The following PCDH15 variants were observed in gnomAD, a reference collection of about 807,000 sequenced individuals.
The protein encoded by PCDH15 is protocadherin-15.
Under a neutral mutation model 178.5 loss-of-function variants are expected in PCDH15, and 129 were observed. The ratio of observed to expected loss-of-function variants is 0.72; its 90% confidence interval spans 0.63 to 0.84. PCDH15 has a LOEUF of 0.84. Among genes scored for constraint, PCDH15 ranks in the 40% least tolerant of loss-of-function variants. The pLI, the probability that PCDH15 is intolerant of heterozygous loss-of-function variation, is 0.00. For synonymous variants in PCDH15, 800 were observed against 732.0 expected (o/e 1.09, Z -1.50); for missense variants, 2,230 against 2,099.9 (o/e 1.06, Z -1.21).
At chr10:54,043,897 C>G (rs1279923550) in intron 18 of PCDH15, among the ~76,000 whole-genome samples, 2 of 152,102 alleles carry the variant, frequency 1.3e-5, no homozygotes, top group Non-Finnish European at 2.9e-5. Context: ...CAGGTAATGA[C>G]TTCATCTGAA....
intron 15 of PCDH15, among the ~76,000 whole-genome samples, chr10:54,125,324 A>G (rs2041900640): frequency 6.6e-6 from 1 of 152,180 alleles, no homozygotes; most frequent in Non-Finnish European, 1.5e-5. Flanking sequence ...AGAGCGAGTC[A>G]CCTCACTGGG....
At chr10:54,487,019 C>T (rs113733029) in intron 3 of PCDH15, among the ~76,000 whole-genome samples, 8,218 of 151,982 alleles carry the variant, frequency 0.054, 405 homozygotes, top group African/African-American at 0.13. Flanking sequence ...TTTCATAAAA[C>T]GCAAACTGCC....
At chr10:54,481,500 ATAT>A (rs1188130384) in intron 3 of PCDH15, among the ~76,000 whole-genome samples, 6 of 151,912 alleles carry the variant, frequency 3.9e-5, no homozygotes, top group Admixed American at 2.6e-4. Flanking sequence ...AACATTCACA[ATAT>A]TATTATGATT....
At chr10:55,398,981 CTA>C (rs1324219815) in intron 2 of PCDH15, among the ~76,000 whole-genome samples, 1 of 152,028 alleles carries the variant, frequency 6.6e-6, no homozygotes, top group Non-Finnish European at 1.5e-5. Context: ...TGTAGAATAA[CTA>C]TTATATTCAA....
chr10:54,241,225 A>G (rs1393429864), intron 8 of PCDH15, among the ~76,000 whole-genome samples: 1 of 152,174 alleles, frequency 6.6e-6, no homozygotes, highest in Non-Finnish European at 1.5e-5. Flanking sequence ...GTCTCTTCAC[A>G]TAGACAATAA....
At chr10:55,538,947 CTTCCT>C (rs1439623973) in intron 2 of PCDH15, among the ~76,000 whole-genome samples, 2 of 14,646 alleles carry the variant, frequency 1.4e-4, no homozygotes, top group African/African-American at 1.3e-3. Context: ...TCCTTCCTCC[CTTCCT>C]TCCTTTCCTT....
chr10:53,808,387 A>G (rs1037455019), intron 37 of PCDH15: 2 of 1,028,402 alleles, frequency 1.9e-6, no homozygotes, highest in Non-Finnish European at 2.4e-6. Flanking sequence ...TGTCACTGAT[A>G]ATACATAATG....
At chr10:55,284,518 T>C (rs1842816227) in intron 1 of PCDH15, among the ~76,000 whole-genome samples, 1 of 152,206 alleles carries the variant, frequency 6.6e-6, no homozygotes, top group East Asian at 1.9e-4. Context: ...GAAACTCTGA[T>C]ATAAAAAATG....
intron 3 of PCDH15, among the ~76,000 whole-genome samples, chr10:54,398,752 C>A (rs10763107): frequency 0.75 from 113,276 of 151,620 alleles, 43,872 homozygotes; most frequent in East Asian, 0.96. Flanking sequence ...AGAAAAAAAA[C>A]CCCAAATATT....
At chr10:54,445,987 C>G (rs1234027909) in intron 3 of PCDH15, among the ~76,000 whole-genome samples, 1 of 151,512 alleles carries the variant, frequency 6.6e-6, no homozygotes, top group Non-Finnish European at 1.5e-5. Flanking sequence ...TGTATATGCT[C>G]TGATGATCAG....
intron 2 of PCDH15, among the ~76,000 whole-genome samples, chr10:55,091,000 T>C (rs1842303756): frequency 6.6e-6 from 1 of 152,044 alleles, no homozygotes; most frequent in African/African-American, 2.4e-5. Flanking sequence ...TCTGAGATCA[T>C]CATAGATACT....
At chr10:53,948,733 C>T (rs1437137776) in intron 23 of PCDH15, among the ~76,000 whole-genome samples, 1 of 152,098 alleles carries the variant, frequency 6.6e-6, no homozygotes, top group Non-Finnish European at 1.5e-5. Context: ...TGTCATTTGC[C>T]TGTTTAACAC....
intron 1 of PCDH15, among the ~76,000 whole-genome samples, chr10:54,757,832 A>C (rs1947362814): frequency 6.6e-6 from 1 of 152,200 alleles, no homozygotes; most frequent in South Asian, 2.1e-4. Flanking sequence ...TGCATGGACA[A>C]ATATTGACTG....
chr10:54,645,402 G>A (rs2094108676), intron 2 of PCDH15, among the ~76,000 whole-genome samples: 1 of 151,868 alleles, frequency 6.6e-6, no homozygotes, highest in South Asian at 2.1e-4. Flanking sequence ...GAAGAATGGA[G>A]ATAGAATAAC....
chr10:54,311,979 A>G (rs773997757), intron 8 of PCDH15, among the ~76,000 whole-genome samples: 1 of 152,104 alleles, frequency 6.6e-6, no homozygotes, highest in Non-Finnish European at 1.5e-5. Flanking sequence ...TCTCAAGTCA[A>G]GAATACCACC....
intron 8 of PCDH15, among the ~76,000 whole-genome samples, chr10:54,238,528 A>ACTCTATT (rs1270268696): frequency 6.6e-6 from 1 of 151,926 alleles, no homozygotes; most frequent in Non-Finnish European, 1.5e-5. Flanking sequence ...ACTTACTAAT[A>ACTCTATT]CTCTATTCTC....
intron 25 of PCDH15, among the ~76,000 whole-genome samples, chr10:53,932,707 G>A (rs2085179712): frequency 6.6e-6 from 1 of 152,294 alleles, no homozygotes; most frequent in East Asian, 1.9e-4. Context: ...CTCCTCGAGA[G>A]TAATGGTGTT....
At chr10:53,886,662 G>A (rs11003910) in intron 26 of PCDH15, among the ~76,000 whole-genome samples, 1 of 124,122 alleles carries the variant, frequency 8.1e-6, no homozygotes, top group Non-Finnish European at 1.6e-5. Flanking sequence ...TCATATCTTA[G>A]CTCTGAACCA....
At chr10:53,970,778 G>A (rs1218199552) in intron 21 of PCDH15, among the ~76,000 whole-genome samples, 2 of 152,068 alleles carry the variant, frequency 1.3e-5, no homozygotes, top group African/African-American at 4.8e-5. Context: ...AACAGGCTCT[G>A]AAATTGAGGC....
Sources: allele counts gnomAD v4.1 joint callset (sites outside exome capture counted in the v4.1 genomes callset), GRCh38; gene constraint gnomAD v4.1.1; transcripts MANE v1.5; gene names NCBI Gene and HGNC (gene_info 2026-07-23, HGNC 2026-07-21).